Variants in PLCH1 observed in about 807,000 individuals in gnomAD.
PLCH1 encodes the protein phospholipase C eta 1, also known as 1-phosphatidylinositol 4,5-bisphosphate phosphodiesterase eta-1.
Under a neutral mutation model 126.7 loss-of-function variants are expected in PLCH1, and 60 were observed. The observed-to-expected ratio is 0.47, with a 90% CI of 0.38 to 0.59. The LOEUF is 0.59. PLCH1 is among the 20% of genes least tolerant of loss of function. The pLI, the probability that PLCH1 is intolerant of heterozygous loss-of-function variation, is 0.00. For missense variants in PLCH1, 1,723 were observed against 2,040.0 expected (o/e 0.84, Z 2.99); for synonymous variants, 719 against 734.9 (o/e 0.98, Z 0.35).
At chr3:155,730,052 C>T (rs1022011210) in intron 1 of PLCH1, among the ~76,000 whole-genome samples, 44 of 151,716 alleles carry the variant, frequency 2.9e-4, no homozygotes, top group Admixed American at 2.0e-4. Context: ...ACCTAAGATA[C>T]TGGTGGTAAA....
In PLCH1 at chr3:155,537,202, C is replaced by CAAAAAA. The variant is rs535908017; in HGVS notation, c.1362+12579_1362+12584dup. On this transcript the variant is annotated intron_variant, in intron 10 of 22. Coordinates refer to ENST00000460012, the MANE Select transcript of PLCH1 (RefSeq NM_014996.4). ...CTAGCACTACAAAAAAAAAAAAAACCAAAAAAAAAAAAAAAAAAAAAAAAA... is the reference window on the plus strand; with the variant it reads ...CTAGCACTACAAAAAAAAAAAAAACCAAAAAAAAAAAAAAAAAAAAAAAAAAAAAAA... Among the ~76,000 whole-genome samples the CAAAAAA allele has an allele frequency of 6.4e-3, 66 of 10,374 alleles. 3 individuals are homozygous for CAAAAAA. Among genetic ancestry groups the CAAAAAA allele is most frequent in the Non-Finnish European group, 9.7e-3 (24 of 2,484 alleles). The allele number at this position is 10,374 out of a possible 152,430, so 6.8% of individuals were successfully genotyped here.
chr3:155,497,554 G>A, intron 14 of PLCH1, 137 bp from the exon 15 acceptor site: 1 of 635,170 alleles, frequency 1.6e-6, no homozygotes, highest in South Asian at 1.9e-5. Flanking sequence ...GCCAGGATTG[G>A]CACCCAAGTG....
chr3:155,717,388 C>T (rs1363440449), intron 1 of PLCH1, among the ~76,000 whole-genome samples: 1 of 152,226 alleles, frequency 6.6e-6, no homozygotes, highest in Non-Finnish European at 1.5e-5. Context: ...CCCACATTTC[C>T]CTTCCATACT....
chr3:155,619,498 T>TTAAA (rs200522384), intron 2 of PLCH1, among the ~76,000 whole-genome samples: 45,215 of 133,148 alleles, frequency 0.34, 7,836 homozygotes, highest in East Asian at 0.68. Context: ...ACAGAAAAAG[T>TTAAA]AAAAAAAAAA....
At position 155,514,044 on chromosome 3, in the gene PLCH1, T is replaced by A. The variant is rs1719973071; in HGVS notation, c.1632+679A>T. 2.0e-5 allele frequency among the ~76,000 whole-genome samples: 3 copies of A among 152,286 alleles called. No homozygotes were observed. The South Asian group carries it at 6.2e-4, about 32-fold the overall frequency. On this transcript the variant is annotated intron_variant, in intron 12 of 22. Coordinates refer to ENST00000460012, the MANE Select transcript of PLCH1 (RefSeq NM_014996.4). ...ATAGACAGGAGAACCAGACTTGAGA[T>A]GACACTGATGGCATGATAGGTAGAG...
intron 10 of PLCH1, among the ~76,000 whole-genome samples, chr3:155,532,154 A>G (rs1055862892): frequency 6.6e-6 from 1 of 152,226 alleles, no homozygotes; most frequent in African/African-American, 2.4e-5. Context: ...AAATGTGGAG[A>G]TGCCAGAGGA....
chr3:155,619,955 C>T (rs1560258009), intron 2 of PLCH1, among the ~76,000 whole-genome samples: 1 of 152,126 alleles, frequency 6.6e-6, no homozygotes, highest in Non-Finnish European at 1.5e-5. Flanking sequence ...TGTCCTCATC[C>T]AAACCTTTGT....
intron 1 of PLCH1, among the ~76,000 whole-genome samples, chr3:155,721,622 T>C (rs1747950150): frequency 6.6e-6 from 1 of 152,196 alleles, no homozygotes; most frequent in East Asian, 1.9e-4. Context: ...TATTTAGGAT[T>C]TTCTAGGTGT....
At chr3:155,637,706 G>T (rs1738903876) in intron 2 of PLCH1, among the ~76,000 whole-genome samples, 1 of 152,144 alleles carries the variant, frequency 6.6e-6, no homozygotes, top group Non-Finnish European at 1.5e-5. Context: ...ATTAGGAAAT[G>T]ACCTTAGCCA....
chr3:155,623,564 G>A (rs973788501), intron 2 of PLCH1, among the ~76,000 whole-genome samples: 4 of 152,278 alleles, frequency 2.6e-5, no homozygotes, highest in African/African-American at 7.2e-5. Flanking sequence ...AATAAAAAAT[G>A]ATAAAGGGGA....
Position 155,628,356 on chromosome 3 carries a change from G to GAAAAAAA in PLCH1, c.80-31985_80-31979dup, listed in dbSNP as rs34200511. 2.4e-3 allele frequency among the ~76,000 whole-genome samples: 238 copies of GAAAAAAA among 98,126 alleles called. 2 individuals carry two copies. Among genetic ancestry groups the GAAAAAAA allele is most frequent in the African/African-American group, 9.3e-3 (219 of 23,486 alleles). 64.4% of individuals were successfully genotyped at this position (98,126 alleles called of 152,430 possible). A position where few individuals can be genotyped will look rare whatever the true frequency, so the allele number is the denominator to read the frequency against. The stretch of plus-strand genomic sequence containing the variant: ...CCAAAAGTGCCTTCCCTATGCCCAG[G>GAAAAAAA]AAAAAAAAAAAAAAAAAAAAATCCT... On this transcript the variant is annotated intron_variant, in intron 2 of 22. Transcript: ENST00000460012.
At chr3:155,684,829 C>G (rs953261125) in intron 2 of PLCH1, among the ~76,000 whole-genome samples, 2 of 152,170 alleles carry the variant, frequency 1.3e-5, no homozygotes, top group Admixed American at 6.5e-5. Context: ...TAGCTCTTCT[C>G]CACAACTTCA....
intron 2 of PLCH1, among the ~76,000 whole-genome samples, chr3:155,651,413 C>T (rs1004966908): frequency 1.5e-4 from 23 of 152,124 alleles, no homozygotes; most frequent in Non-Finnish European, 2.6e-4. Flanking sequence ...ATACACCAAA[C>T]TGTCAAACTG....
rs551803855 is a variant in PLCH1, at chr3:155,451,278, G to A, written c.2938+34078C>T. Among the ~76,000 whole-genome samples, 30 of 152,228 alleles carry A rather than the reference G, an allele frequency of 2.0e-4. No homozygotes were observed. In the East Asian group the frequency reaches 4.2e-3, roughly 22 times the overall value. Reference sequence around the variant, plus strand: ...ATAGGTAAGGGTGTGATGAAAAACAGGATATTTACATGGTCTCAATTATCT... The same window carrying A: ...ATAGGTAAGGGTGTGATGAAAAACAAGATATTTACATGGTCTCAATTATCT... On this transcript the variant is annotated intron_variant, in intron 21 of 21. Coordinates refer to the PLCH1 transcript ENST00000494598.
rs1731027154 is a variant in PLCH1, at chr3:155,583,889, A to C, written c.601-247T>G. On this transcript the variant is annotated intron_variant, in intron 5 of 22. Transcript: ENST00000460012. ...CAAACCAATTGTTCTGACCACTGTAAATTTATAAATCAACAAAGAAACCTT... is the reference window on the plus strand; with the variant it reads ...CAAACCAATTGTTCTGACCACTGTACATTTATAAATCAACAAAGAAACCTT... 2.6e-5 allele frequency among the ~76,000 whole-genome samples: 4 copies of C among 151,488 alleles called. No homozygotes were observed. The South Asian group carries it at 8.3e-4, about 31-fold the overall frequency.
At chr3:155,689,658 T>C (rs1180986733) in intron 2 of PLCH1, among the ~76,000 whole-genome samples, 2 of 151,838 alleles carry the variant, frequency 1.3e-5, no homozygotes, top group Non-Finnish European at 2.9e-5. Context: ...AATCTTTTAA[T>C]AGCAGAATTG....
rs1251158811 is a variant in PLCH1, at chr3:155,488,102, G to A, written c.2545C>T (p.Arg849Trp). The change falls in exon 21 of 23, where the codon CGG (arginine) becomes TGG (tryptophan). Residue 849 changes from arginine to tryptophan, a missense_variant. Arg to Trp is a moderately radical substitution (Grantham distance 101, BLOSUM62 -3). Coordinates refer to ENST00000460012, the MANE Select transcript of PLCH1 (RefSeq NM_014996.4). ...VTFSSLVPGY[R>W]HVYLEGLTEA... is the part of the protein sequence containing the mutation. ...GTCAGTCCTTCCAAATAGACATGCC[G>A]GTAGCCTGATAAAAGGAAAGAGAGT... 21 of 1,601,610 alleles carry A rather than the reference G, an allele frequency of 1.3e-5. No individual in the cohort carries two copies. Among genetic ancestry groups the A allele is most frequent in the East Asian group, 6.7e-5 (3 of 44,818 alleles).
intron 1 of PLCH1, chr3:155,743,599 G>A: frequency 4.5e-6 from 2 of 441,886 alleles, no homozygotes; most frequent in South Asian, 3.2e-5. Flanking sequence ...GCTTCTTGAA[G>A]CATTCTCTGC....
chr3:155,566,310 T>C (rs58148344), intron 7 of PLCH1, among the ~76,000 whole-genome samples: 1 of 32,486 alleles, frequency 3.1e-5, no homozygotes, highest in Admixed American at 3.3e-4. Flanking sequence ...CACATATATA[T>C]ACATATATAC....
Sources: gnomAD v4.1 joint callset for allele counts (sites outside exome capture counted in the v4.1 genomes callset) on GRCh38, gnomAD v4.1.1 for gene constraint, MANE v1.5 for transcripts, NCBI Gene and HGNC (gene_info 2026-07-23, HGNC 2026-07-21) for gene names.